GRM1: variants seen among roughly 807,000 people sequenced by gnomAD.
GRM1 encodes the protein metabotropic glutamate receptor 1.
In GRM1, 33 loss-of-function variants were observed where a neutral mutation model predicts 90.9. That is an observed-to-expected ratio of 0.36 (90% CI 0.28 to 0.49). The LOEUF (loss-of-function observed/expected upper bound fraction) is 0.49, where lower values mean the gene tolerates loss of function less well. GRM1 is among the 20% of genes least tolerant of loss of function. The probability of loss-of-function intolerance (pLI) is 0.99; values close to 1 mark genes in which losing one functional copy is unlikely to be tolerated. For missense variants in GRM1, 1,190 were observed against 1,534.3 expected (o/e 0.78, Z 3.75); for synonymous variants, 700 against 613.2 (o/e 1.14, Z -2.09).
chr6:146,062,816 A>G (rs1775720207), intron 1 of GRM1, among the ~76,000 whole-genome samples: 1 of 152,096 alleles, frequency 6.6e-6, no homozygotes, highest in East Asian at 1.9e-4. Flanking sequence ...CCTGCCCTCA[A>G]ATAATACCTG....
At chr6:146,354,371 C>T (rs1416783607) in intron 4 of GRM1, among the ~76,000 whole-genome samples, 1 of 152,138 alleles carries the variant, frequency 6.6e-6, no homozygotes, top group Non-Finnish European at 1.5e-5. Flanking sequence ...GAATGTAAAC[C>T]TTCCTTCATG....
At position 146,349,646 on chromosome 6, in the gene GRM1, A is replaced by G. The variant is rs140014673; in HGVS notation, c.1187-2604A>G. 4.2e-3 allele frequency among the ~76,000 whole-genome samples: 643 copies of G among 152,212 alleles called. 3 individuals are homozygous for G. Among genetic ancestry groups the G allele is most frequent in the African/African-American group, 0.015 (614 of 41,540 alleles). On this transcript the variant is annotated intron_variant, in intron 3 of 7. Transcript: ENST00000282753. Reference sequence around the variant, plus strand: ...TTGTGTTAATTTTTAGAAATTTTCTATAGCCTTTTACAAGAATTTAAGTCC... The same window carrying G: ...TTGTGTTAATTTTTAGAAATTTTCTGTAGCCTTTTACAAGAATTTAAGTCC...
chr6:146,385,969 T>C (rs1776484206), intron 5 of GRM1, among the ~76,000 whole-genome samples: 1 of 151,574 alleles, frequency 6.6e-6, no homozygotes, highest in Non-Finnish European at 1.5e-5. Context: ...GCAGATAAAA[T>C]AGAATGCTAA....
intron 6 of GRM1, among the ~76,000 whole-genome samples, chr6:146,396,370 T>A (rs892660354): frequency 6.6e-6 from 1 of 152,098 alleles, no homozygotes; most frequent in Non-Finnish European, 1.5e-5. Context: ...TAAAATAAAG[T>A]GATCTTTCAT....
intron 1 of GRM1, among the ~76,000 whole-genome samples, chr6:146,085,097 A>G (rs1318575043): frequency 6.6e-6 from 1 of 152,164 alleles, no homozygotes; most frequent in African/African-American, 2.4e-5. Flanking sequence ...GTATAAGTGC[A>G]TATTTATTTA....
intron 1 of GRM1, among the ~76,000 whole-genome samples, chr6:146,106,354 G>A (rs1775297935): frequency 6.6e-6 from 1 of 152,114 alleles, no homozygotes; most frequent in African/African-American, 2.4e-5. Context: ...AGATACCTTT[G>A]TGGATGGCAA....
At chr6:146,346,640 T>TTG (rs1244333366) in intron 3 of GRM1, among the ~76,000 whole-genome samples, 2 of 152,000 alleles carry the variant, frequency 1.3e-5, no homozygotes, top group East Asian at 3.9e-4. Flanking sequence ...CCAAGCAAAA[T>TTG]TGAGGGCACT....
At chr6:146,116,401 A>G (rs1393830187) in intron 1 of GRM1, among the ~76,000 whole-genome samples, 1 of 152,210 alleles carries the variant, frequency 6.6e-6, no homozygotes, top group Non-Finnish European at 1.5e-5. Flanking sequence ...ACACTGAATC[A>G]TATTAATACA....
At chr6:146,139,509 A>G (rs1324925881) in intron 1 of GRM1, among the ~76,000 whole-genome samples, 2 of 152,088 alleles carry the variant, frequency 1.3e-5, no homozygotes, top group East Asian at 1.9e-4. Context: ...TTGGGTCCAT[A>G]TATATTTACA....
At chr6:146,300,690 C>A (rs753618546) in intron 2 of GRM1, among the ~76,000 whole-genome samples, 1 of 152,208 alleles carries the variant, frequency 6.6e-6, no homozygotes, top group Non-Finnish European at 1.5e-5. Flanking sequence ...AGTGAATGTG[C>A]TTCACAGAGA....
intron 2 of GRM1, among the ~76,000 whole-genome samples, chr6:146,277,804 GTA>G (rs1244678829): frequency 6.6e-6 from 1 of 152,136 alleles, no homozygotes; most frequent in Non-Finnish European, 1.5e-5. Flanking sequence ...TCACCCCAAA[GTA>G]TGGTTCAAGA....
chr6:146,151,648 C>A (rs79351274), intron 1 of GRM1, among the ~76,000 whole-genome samples: 1,861 of 152,136 alleles, frequency 0.012, 79 homozygotes, highest in East Asian at 0.092. Context: ...AATACATTTC[C>A]ATTTTTCCAG....
chr6:146,388,615 G>A (rs534998569), intron 6 of GRM1, among the ~76,000 whole-genome samples: 1 of 152,130 alleles, frequency 6.6e-6, no homozygotes, highest in Non-Finnish European at 1.5e-5. Context: ...AGATCAGAAC[G>A]TTTTTGAAGG....
rs1320395565 is a variant in GRM1, at chr6:146,398,872, C to T, written c.1833C>T (p.Thr611=). ...CLGILVTLFV[T]LIFVLYRDTP... The stretch of plus-strand genomic sequence containing the variant: ...GAATCCTTGTTACCTTGTTTGTCAC[C>T]CTAATCTTTGTACTGTACCGGGACA... Residue 611 remains threonine, a synonymous_variant, in exon 7 of 8, where the codon ACC becomes ACT. Transcript: ENST00000282753. 6.2e-7 allele frequency: 1 copy of T among 1,613,658 alleles called. No homozygotes were observed. The highest frequency in any genetic ancestry group is 8.5e-7 in the Non-Finnish European group (1 of 1,179,648).
intron 2 of GRM1, among the ~76,000 whole-genome samples, chr6:146,300,544 T>C (rs1410109309): frequency 6.6e-6 from 1 of 152,316 alleles, no homozygotes; most frequent in African/African-American, 2.4e-5. Context: ...AGAATTCTCG[T>C]ATGTTAGTGA....
At chr6:146,032,555 T>C (rs1161967569) in intron 1 of GRM1, among the ~76,000 whole-genome samples, 1 of 152,176 alleles carries the variant, frequency 6.6e-6, no homozygotes, top group African/African-American at 2.4e-5. Context: ...GTAATTTTAC[T>C]GCTTTCAGAC....
intron 1 of GRM1, among the ~76,000 whole-genome samples, chr6:146,078,165 G>A (rs1339407843): frequency 1.3e-5 from 2 of 152,158 alleles, no homozygotes; most frequent in Non-Finnish European, 2.9e-5. Flanking sequence ...TTTTCATACG[G>A]GCTGGGAATG....
At chr6:146,247,554 G>A (rs1439764089) in intron 2 of GRM1, among the ~76,000 whole-genome samples, 1 of 151,874 alleles carries the variant, frequency 6.6e-6, no homozygotes, top group Non-Finnish European at 1.5e-5. Flanking sequence ...TTCAAGACCA[G>A]CCTGGCCAAC....
At chr6:146,420,962 G>T (rs1295246861) in intron 7 of GRM1, among the ~76,000 whole-genome samples, 3 of 152,046 alleles carry the variant, frequency 2.0e-5, no homozygotes, top group Non-Finnish European at 2.9e-5. Flanking sequence ...AGACTGATGG[G>T]ATGTTTTACA....
Sources: allele counts gnomAD v4.1 joint callset (sites outside exome capture counted in the v4.1 genomes callset), GRCh38; gene constraint gnomAD v4.1.1; transcripts MANE v1.5; gene names NCBI Gene and HGNC (gene_info 2026-07-23, HGNC 2026-07-21).